ZHX2: variants seen among roughly 807,000 people sequenced by gnomAD.
ZHX2 encodes zinc fingers and homeoboxes 2.
In ZHX2, 6 loss-of-function variants were observed where a neutral mutation model predicts 21.9. That is an observed-to-expected ratio of 0.27 (90% confidence interval 0.15 to 0.54). The LOEUF is 0.54. ZHX2 is among the 20% of genes least tolerant of loss of function. The probability of loss-of-function intolerance (pLI) is 0.95; values close to 1 mark genes in which losing one functional copy is unlikely to be tolerated. For missense variants in ZHX2, 908 were observed against 1,090.7 expected (o/e 0.83, Z 2.36); for synonymous variants, 434 against 437.1 (o/e 0.99, Z 0.09).
intron 1 of ZHX2, among the ~76,000 whole-genome samples, chr8:122,846,669 T>C (rs1376751224): frequency 2.0e-5 from 3 of 151,982 alleles, no homozygotes; most frequent in Non-Finnish European, 2.9e-5. Flanking sequence ...TGTCCTATGA[T>C]GGCTTCTGAA....
chr8:122,941,282 A>G (rs1449613972), intron 2 of ZHX2, among the ~76,000 whole-genome samples: 2 of 152,180 alleles, frequency 1.3e-5, no homozygotes, highest in Non-Finnish European at 1.5e-5. Flanking sequence ...GTGCATGTAA[A>G]CAACATTTTA....
At chr8:122,937,367 G>T (rs1166267997) in intron 2 of ZHX2, among the ~76,000 whole-genome samples, 4 of 152,172 alleles carry the variant, frequency 2.6e-5, no homozygotes, top group Non-Finnish European at 5.9e-5. Flanking sequence ...ATTACAGAAA[G>T]ATCAGGTTTG....
intron 2 of ZHX2, among the ~76,000 whole-genome samples, chr8:122,889,085 C>T (rs981046420): frequency 6.6e-5 from 10 of 152,250 alleles, no homozygotes; most frequent in African/African-American, 1.9e-4. Context: ...TTCTTTTTCA[C>T]GACTGAATAG....
intron 1 of ZHX2, among the ~76,000 whole-genome samples, chr8:122,798,100 G>A (rs1003845521): frequency 4.6e-5 from 7 of 152,330 alleles, no homozygotes; most frequent in African/African-American, 7.2e-5. Flanking sequence ...GAGCCAGACC[G>A]GTCTAGCTGA....
chr8:122,953,348 G>A lies in ZHX2; in HGVS notation c.1838G>A (p.Arg613Gln), dbSNP rs139249386. 23 of 1,613,898 alleles carry A rather than the reference G, an allele frequency of 1.4e-5. No individual in the cohort carries two copies. In the African/African-American group the frequency reaches 2.0e-4, roughly 14 times the overall value. ...GGAGCCCCCAATGGTGCTCTGTCTC[G>A]ACTCGACCAGCTCTCCGGTGCCCAG... ...DVGAPNGALS[R>Q]LDQLSGAQLT... Residue 613 changes from arginine to glutamine, a missense_variant, in exon 3 of 4, where the codon CGA becomes CAA. This residue lies in a region of ZHX2 where 431 missense variants were observed against 428.6 expected (regional missense o/e 1.01). Transcript: ENST00000314393. This position sits in a 1 kb window ranked among gnomAD's most constrained non-coding sequence, Gnocchi z 4.6.
chr8:122,785,203 G>A (rs1817371069), intron 1 of ZHX2, among the ~76,000 whole-genome samples: 1 of 152,230 alleles, frequency 6.6e-6, no homozygotes, highest in African/African-American at 2.4e-5. Context: ...GAGGAACAAT[G>A]TCCAGAGGTG....
intron 1 of ZHX2, among the ~76,000 whole-genome samples, chr8:122,844,541 T>C (rs911174646): frequency 6.6e-6 from 1 of 152,162 alleles, no homozygotes; most frequent in Non-Finnish European, 1.5e-5. Context: ...ATGAGAGAAC[T>C]GGGGTCCGGA....
intron 2 of ZHX2, among the ~76,000 whole-genome samples, chr8:122,929,969 G>T (rs1820944912): frequency 6.6e-6 from 1 of 152,196 alleles, no homozygotes; most frequent in South Asian, 2.1e-4. Flanking sequence ...GCTCCATGCT[G>T]TAGCTCTTGT....
chr8:122,917,514 G>A (rs574552544), intron 2 of ZHX2, among the ~76,000 whole-genome samples: 1 of 152,146 alleles, frequency 6.6e-6, no homozygotes, highest in Non-Finnish European at 1.5e-5. Flanking sequence ...GCCTCACACA[G>A]TGATTTTTAT....
chr8:122,873,385 CG>C (rs1322120401), intron 2 of ZHX2, among the ~76,000 whole-genome samples: 1 of 152,114 alleles, frequency 6.6e-6, no homozygotes. Context: ...TCATCTCCCC[CG>C]GGGGCTTGGG....
At chr8:122,843,311 T>C (rs1051873284) in intron 1 of ZHX2, among the ~76,000 whole-genome samples, 3 of 152,230 alleles carry the variant, frequency 2.0e-5, no homozygotes, top group Admixed American at 2.0e-4. Context: ...GTTACAAATG[T>C]GATCAGGACT....
At chr8:122,881,911 C>T (rs961962533) in intron 2 of ZHX2, among the ~76,000 whole-genome samples, 2 of 152,152 alleles carry the variant, frequency 1.3e-5, no homozygotes, top group African/African-American at 4.8e-5. Context: ...AACTTTCAAC[C>T]GGCAAATTTA....
intron 1 of ZHX2, among the ~76,000 whole-genome samples, chr8:122,783,403 G>C (rs1032806065): frequency 6.6e-6 from 1 of 152,234 alleles, no homozygotes; most frequent in Admixed American, 6.5e-5. Flanking sequence ...GGCAGGCCCC[G>C]ATGAGCAGAA....
chr8:122,794,411 C>T (rs773180318), intron 1 of ZHX2, among the ~76,000 whole-genome samples: 8 of 152,170 alleles, frequency 5.3e-5, no homozygotes, highest in Admixed American at 2.0e-4. Flanking sequence ...TTTCACTAAC[C>T]GCCTAAAAAC....
intron 2 of ZHX2, among the ~76,000 whole-genome samples, chr8:122,903,272 C>T (rs1160130837): frequency 6.6e-6 from 1 of 152,126 alleles, no homozygotes; most frequent in Non-Finnish European, 1.5e-5. Flanking sequence ...AGAGTTCTGC[C>T]AAGAGATTCA....
intron 2 of ZHX2, among the ~76,000 whole-genome samples, chr8:122,866,587 T>A (rs969258751): frequency 6.6e-6 from 1 of 152,140 alleles, no homozygotes; most frequent in Non-Finnish European, 1.5e-5. Context: ...CCTTTTCCCA[T>A]CAACCCCCCT....
intron 1 of ZHX2, among the ~76,000 whole-genome samples, chr8:122,851,372 C>T (rs1002253175): frequency 2.0e-5 from 3 of 152,144 alleles, no homozygotes; most frequent in Non-Finnish European, 4.4e-5. Context: ...TGAAAGTTGG[C>T]TATGATGATG....
At chr8:122,881,056 C>G (rs554888689) in intron 2 of ZHX2, among the ~76,000 whole-genome samples, 1 of 152,180 alleles carries the variant, frequency 6.6e-6, no homozygotes, top group Non-Finnish European at 1.5e-5. Context: ...ACTTGATTAA[C>G]GCCCATTGAC....
intron 2 of ZHX2, among the ~76,000 whole-genome samples, chr8:122,919,952 A>G (rs1375963583): frequency 6.6e-6 from 1 of 152,204 alleles, no homozygotes; most frequent in Non-Finnish European, 1.5e-5. Flanking sequence ...GTATCTGCAT[A>G]TTCTTACAAT....
Sources: gnomAD v4.1 joint callset for allele counts (sites outside exome capture counted in the v4.1 genomes callset) on GRCh38, gnomAD v4.1.1 for gene constraint, gnomAD v4.1.1 regional missense constraint, Gnocchi (gnomAD v3.1) non-coding constraint, MANE v1.5 for transcripts, NCBI Gene and HGNC (gene_info 2026-07-23, HGNC 2026-07-21) for gene names.